Variants in NSMCE1 observed in about 807,000 individuals in gnomAD.
The protein encoded by NSMCE1 is NSE1 component of SMC5/6 complex.
In NSMCE1, 18 loss-of-function variants were observed where a neutral mutation model predicts 29.6. The observed-to-expected ratio is 0.61, with a 90% CI of 0.42 to 0.90. The LOEUF is 0.90. Among genes scored for constraint, NSMCE1 ranks in the 40% least tolerant of loss-of-function variants. The probability of loss-of-function intolerance (pLI) is 0.00; values close to 1 mark genes in which losing one functional copy is unlikely to be tolerated. For missense variants in NSMCE1, 314 were observed against 343.6 expected, an observed-to-expected ratio of 0.91 and a Z score of 0.68; for synonymous variants, 124 against 133.4, an observed-to-expected ratio of 0.93 and a Z score of 0.49.
At chr16:27,230,426 C>T (rs1205520584) in intron 5 of NSMCE1, among the ~76,000 whole-genome samples, 1 of 152,166 alleles carries the variant, frequency 6.6e-6, no homozygotes, top group Admixed American at 6.5e-5. Context: ...AGTGAGCACC[C>T]GCCCCGGTTC....
chr16:27,227,778 CTTTTCTTTTTT>C (rs1490617895), intron 5 of NSMCE1, among the ~76,000 whole-genome samples: 69 of 142,858 alleles, frequency 4.8e-4, no homozygotes, highest in Admixed American at 2.2e-3. Flanking sequence ...CGTTTCTTTT[CTTTTCTTTTTT>C]TTTTTTTTTT....
rs1171263638 is a variant in NSMCE1 at position 27,225,774 on chromosome 16, C to T, written c.673G>A (p.Glu225Lys). The T allele has an allele frequency of 6.2e-7, 1 of 1,614,060 alleles. No homozygotes were observed. The highest frequency in any genetic ancestry group is 1.3e-5 in the African/African-American group (1 of 74,918). ...CVAKYFQSNA[E>K]PRCPHCNDYW... ...TCGTTGCAGTGGGGGCAGCGCGGTT[C>T]AGCATTCGACTGGAAGTACTTGGCC... The change falls in exon 7 of 8, where the codon GAA becomes AAA. Residue 225 changes from glutamate to lysine, a missense_variant. Coordinates refer to ENST00000361439, the MANE Select transcript of NSMCE1 (RefSeq NM_145080.4).
intron 2 of NSMCE1, among the ~76,000 whole-genome samples, chr16:27,249,544 T>C (rs1177648242): frequency 1.3e-5 from 2 of 152,262 alleles, no homozygotes; most frequent in East Asian, 3.8e-4. Flanking sequence ...TTCCACTAAA[T>C]TACCTTTGCA....
intron 2 of NSMCE1, 23 bp downstream of exon 2, chr16:27,257,412 G>C (rs748929846): frequency 6.3e-7 from 1 of 1,594,348 alleles, no homozygotes; most frequent in Non-Finnish European, 8.6e-7. Flanking sequence ...AGAGCGCCCT[G>C]GGAACAGGGA....
intron 2 of NSMCE1, among the ~76,000 whole-genome samples, chr16:27,256,082 G>A (rs7187853): frequency 0.063 from 9,527 of 151,876 alleles, 738 homozygotes; most frequent in African/African-American, 0.19. Flanking sequence ...CCTTTTTTTT[G>A]TGTCCCTTCA....
chr16:27,243,797 C>T (rs1018607927), intron 2 of NSMCE1, among the ~76,000 whole-genome samples: 8 of 152,040 alleles, frequency 5.3e-5, no homozygotes, highest in African/African-American at 1.9e-4. Flanking sequence ...ACTACAAGCA[C>T]GAGCCACTAC....
rs1425311942 is a variant in NSMCE1, at chr16:27,226,700, G to GTGCCC, written c.600+15_600+19dup. 6.5e-7 allele frequency: 1 copy of GTGCCC among 1,530,662 alleles called. No homozygotes were observed. The highest frequency in any genetic ancestry group is 9.1e-7 in the Non-Finnish European group (1 of 1,104,402). The allele number at this position is 1,530,662 out of a possible 1,614,324, so 94.8% of individuals were successfully genotyped here. ...GCCGAGGGCCCAGTGATGAGCTCCC[G>GTGCCC]TGCCCTGCCCTGCGGGTACCTGGAT... On this transcript the variant is annotated intron_variant, in intron 6 of 7. Transcript: ENST00000361439.
chr16:27,247,375 G>A (rs2083968763), intron 2 of NSMCE1, among the ~76,000 whole-genome samples: 1 of 152,148 alleles, frequency 6.6e-6, no homozygotes, highest in African/African-American at 2.4e-5. Flanking sequence ...CTTCCACCAT[G>A]ACTGTAAGTT....
At chr16:27,251,219 G>C (rs1220832799) in intron 2 of NSMCE1, among the ~76,000 whole-genome samples, 2 of 113,222 alleles carry the variant, frequency 1.8e-5, no homozygotes, top group East Asian at 3.0e-4. Flanking sequence ...AAACTCTGTA[G>C]AGTTCAGACT....
chr16:27,245,479 C>T (rs1470835843), intron 2 of NSMCE1, among the ~76,000 whole-genome samples: 1 of 152,228 alleles, frequency 6.6e-6, no homozygotes, highest in African/African-American at 2.4e-5. Context: ...GGCTCAGCAA[C>T]TCCATGCTGG....
At chr16:27,267,149 C>A (rs888729948) in intron 1 of NSMCE1, among the ~76,000 whole-genome samples, 5 of 151,936 alleles carry the variant, frequency 3.3e-5, no homozygotes, top group African/African-American at 1.2e-4. Flanking sequence ...TTATATAAAT[C>A]TTTAAAATTC....
At chr16:27,251,187 T>TATATAA (rs1178205856) in intron 2 of NSMCE1, among the ~76,000 whole-genome samples, 1 of 52,806 alleles carries the variant, frequency 1.9e-5, no homozygotes, top group Non-Finnish European at 3.1e-5. Context: ...TATATATATA[T>TATATAA]ATAAATATAT....
At chr16:27,241,809 A>C (rs1260820741) in intron 2 of NSMCE1, 1 of 453,312 alleles carries the variant, frequency 2.2e-6, no homozygotes. Context: ...CTCTCAGCAG[A>C]CCCTCAGCAA....
rs1378245925 is a variant in NSMCE1 at position 27,268,010 on chromosome 16, T to C, written c.-12+696A>G. On this transcript the variant is annotated intron_variant, in intron 1 of 7. Coordinates refer to ENST00000361439, the MANE Select transcript of NSMCE1 (RefSeq NM_145080.4). Reference sequence around the variant, plus strand: ...CGCCCCCCTCAGCTTCCCAAAGTGCTGGAATTATAGCCGTGGGCCACCGCG... The same window carrying C: ...CGCCCCCCTCAGCTTCCCAAAGTGCCGGAATTATAGCCGTGGGCCACCGCG... Among the ~76,000 whole-genome samples the C allele has an allele frequency of 3.9e-5, 6 of 152,132 alleles. No homozygotes were observed. The East Asian group carries it at 1.2e-3, about 29-fold the overall frequency.
chr16:27,237,089 A>C (rs187291847), intron 2 of NSMCE1, among the ~76,000 whole-genome samples: 1 of 152,386 alleles, frequency 6.6e-6, no homozygotes, highest in African/African-American at 2.4e-5. Flanking sequence ...AACAAAGCCC[A>C]GGGCAGTGAC....
chr16:27,253,848 C>T (rs1483520998), intron 2 of NSMCE1, among the ~76,000 whole-genome samples: 1 of 152,212 alleles, frequency 6.6e-6, no homozygotes, highest in East Asian at 1.9e-4. Context: ...TCCCTAGCGC[C>T]ATTCCGAAAG....
chr16:27,234,068 C>G, intron 4 of NSMCE1, 120 bp downstream of exon 4: 1 of 711,218 alleles, frequency 1.4e-6, no homozygotes, highest in Non-Finnish European at 2.6e-6. Flanking sequence ...TCTCAGACAG[C>G]AATGGTGGCC....
At chr16:27,227,775 TTTC>T (rs1490258143) in intron 5 of NSMCE1, among the ~76,000 whole-genome samples, 2 of 132,364 alleles carry the variant, frequency 1.5e-5, no homozygotes, top group Non-Finnish European at 3.5e-5. Flanking sequence ...TCCCGTTTCT[TTTC>T]TTTTCTTTTT....
chr16:27,238,096 C>T (rs2083846201), intron 2 of NSMCE1, among the ~76,000 whole-genome samples: 1 of 152,182 alleles, frequency 6.6e-6, no homozygotes, highest in African/African-American at 2.4e-5. Flanking sequence ...ACTCAGCACC[C>T]CCAAACCCTT....
Sources: allele counts gnomAD v4.1 joint callset (sites outside exome capture counted in the v4.1 genomes callset), GRCh38; gene constraint gnomAD v4.1.1; transcripts MANE v1.5; gene names NCBI Gene and HGNC (gene_info 2026-07-23, HGNC 2026-07-21).